Variants in CHD7 observed in about 807,000 individuals in gnomAD.
CHD7 encodes the protein ATP-dependent chromatin remodeler CHD7.
A neutral mutation model predicts 307.3 loss-of-function variants in CHD7; 24 were observed. The ratio of observed to expected loss-of-function variants is 0.08; its 90% CI spans 0.06 to 0.11. The LOEUF (loss-of-function observed/expected upper bound fraction) is 0.11, where lower values mean the gene tolerates loss of function less well. CHD7 is among the 10% of genes least tolerant of loss of function. The probability of loss-of-function intolerance (pLI) is 1.00; values close to 1 mark genes in which losing one functional copy is unlikely to be tolerated. For synonymous variants in CHD7, 1,363 were observed against 1,349.9 expected (o/e 1.01, Z -0.21); for missense variants, 3,106 against 3,727.1 (o/e 0.83, Z 4.34).
At chr8:60,813,686 T>G (rs1812915701) in intron 7 of CHD7, among the ~76,000 whole-genome samples, 1 of 152,098 alleles carries the variant, frequency 6.6e-6, no homozygotes, top group African/African-American at 2.4e-5. Flanking sequence ...ATTAATATTG[T>G]GTATTTTTAG....
At chr8:60,835,044 G>A (rs1436183727) in intron 15 of CHD7, among the ~76,000 whole-genome samples, 1 of 152,228 alleles carries the variant, frequency 6.6e-6, no homozygotes, top group Non-Finnish European at 1.5e-5. Context: ...AGATGAATGT[G>A]TGTGTTTGTA....
intron 34 of CHD7, 22 bp downstream of exon 34, chr8:60,856,910 C>A: frequency 6.6e-7 from 1 of 1,523,938 alleles, no homozygotes; most frequent in Non-Finnish European, 8.8e-7. Flanking sequence ...AGCTTGCCTG[C>A]ATGGCGATTG....
intron 1 of CHD7, among the ~76,000 whole-genome samples, chr8:60,721,685 G>A (rs1373274037): frequency 6.6e-6 from 1 of 152,222 alleles, no homozygotes; most frequent in African/African-American, 2.4e-5. Context: ...CCCCAGCGGT[G>A]CTGATGCTGC....
At chr8:60,748,435 G>A (rs145732946) in intron 2 of CHD7, among the ~76,000 whole-genome samples, 1 of 152,304 alleles carries the variant, frequency 6.6e-6, no homozygotes, top group Non-Finnish European at 1.5e-5. Context: ...GCACTGGAGG[G>A]CACTAGGAGG....
intron 3 of CHD7, among the ~76,000 whole-genome samples, chr8:60,789,677 C>G (rs1419677380): frequency 6.6e-6 from 1 of 152,206 alleles, no homozygotes; most frequent in African/African-American, 2.4e-5. Flanking sequence ...AGCTACCTGG[C>G]TTTCCAGTAA....
chr8:60,865,145 G>C lies in CHD7; in HGVS notation c.8206G>C (p.Ala2736Pro). 1.9e-6 allele frequency: 3 copies of C among 1,612,038 alleles called. No individual in the cohort carries two copies. The highest frequency in any genetic ancestry group is 2.5e-6 in the Non-Finnish European group (3 of 1,179,128). ...ARAAAAAAAV[A>P]STSGINPLLV... ...AGCAGCCGCGGCCGCCGCTGCTGTGGCCTCCACGTCAGGGATCAACCCTTT... is the reference window on the plus strand; with the variant it reads ...AGCAGCCGCGGCCGCCGCTGCTGTGCCCTCCACGTCAGGGATCAACCCTTT... Residue 2736 changes from alanine (A) to proline (P), a missense_variant, in exon 38 of 38, where the codon GCC (alanine) becomes CCC (proline). By Grantham distance (27) the Ala-to-Pro change is conservative. This residue lies in a region of CHD7 where 351 missense variants were observed against 366.2 expected (regional missense o/e 0.96). Coordinates refer to ENST00000423902, the MANE Select transcript of CHD7 (RefSeq NM_017780.4). The surrounding 1 kb of genome is among the most constrained non-coding windows in gnomAD (Gnocchi z 4.3).
At chr8:60,768,530 C>T (rs1253114831) in intron 2 of CHD7, among the ~76,000 whole-genome samples, 4 of 152,346 alleles carry the variant, frequency 2.6e-5, no homozygotes, top group South Asian at 2.1e-4. Flanking sequence ...GGGCCAGCAC[C>T]GCTCAGACCC....
intron 25 of CHD7, among the ~76,000 whole-genome samples, chr8:60,849,473 A>G (rs768693008): frequency 2.0e-5 from 3 of 152,168 alleles, no homozygotes; most frequent in Non-Finnish European, 4.4e-5. Context: ...TTCCCTTGCT[A>G]ACTCTGCCAA....
chr8:60,835,931 G>GT (rs1804722704), intron 15 of CHD7, 142 bp from the exon 16 acceptor site: 2 of 647,588 alleles, frequency 3.1e-6, no homozygotes, highest in Non-Finnish European at 5.4e-6. Context: ...CCAACTATGA[G>GT]TAAGTGGATG....
chr8:60,766,690 G>A (rs545413853), intron 2 of CHD7, among the ~76,000 whole-genome samples: 1 of 152,346 alleles, frequency 6.6e-6, no homozygotes, highest in Admixed American at 6.5e-5. Flanking sequence ...GAAGGGTCAA[G>A]GGTGACTCAA....
At chr8:60,687,738 C>T (rs1347095951) in intron 1 of CHD7, among the ~76,000 whole-genome samples, 1 of 152,182 alleles carries the variant, frequency 6.6e-6, no homozygotes, top group Non-Finnish European at 1.5e-5. Flanking sequence ...CAGAGCAACT[C>T]TAGGTAATAG....
At chr8:60,771,724 A>C (rs933888696) in intron 2 of CHD7, among the ~76,000 whole-genome samples, 1 of 142,188 alleles carries the variant, frequency 7.0e-6, no homozygotes, top group Non-Finnish European at 1.5e-5. Context: ...GGTTGTCCAC[A>C]GAATTCATTT....
chr8:60,834,079 A>G (rs1036696146), intron 15 of CHD7, among the ~76,000 whole-genome samples: 5 of 152,212 alleles, frequency 3.3e-5, no homozygotes, highest in Admixed American at 2.0e-4. Flanking sequence ...TTTTCTGACT[A>G]TTCTTTTTGA....
intron 8 of CHD7, among the ~76,000 whole-genome samples, 172 bp downstream of exon 8, chr8:60,816,673 CT>C (rs940381497): frequency 1.3e-5 from 2 of 152,176 alleles, no homozygotes; most frequent in African/African-American, 4.8e-5. Flanking sequence ...ATTTCTCATT[CT>C]TCCTGTTGCT....
intron 2 of CHD7, among the ~76,000 whole-genome samples, chr8:60,778,742 T>A (rs915288340): frequency 4.3e-4 from 66 of 152,308 alleles, no homozygotes; most frequent in Middle Eastern, 3.4e-3. Flanking sequence ...CTCCGTGTCC[T>A]GTGCAAAAAA....
intron 1 of CHD7, among the ~76,000 whole-genome samples, chr8:60,705,839 A>T (rs938221378): frequency 6.6e-6 from 1 of 152,250 alleles, no homozygotes. Context: ...ATTGATTAAC[A>T]TTATATAATA....
At chr8:60,775,967 C>A (rs1460054491) in intron 2 of CHD7, among the ~76,000 whole-genome samples, 1 of 152,150 alleles carries the variant, frequency 6.6e-6, no homozygotes, top group Non-Finnish European at 1.5e-5. Flanking sequence ...ACTATGTTGG[C>A]CAGGCTGGTC....
intron 2 of CHD7, among the ~76,000 whole-genome samples, chr8:60,768,758 G>A (rs186477000): frequency 9.3e-4 from 142 of 152,170 alleles, no homozygotes; most frequent in African/African-American, 3.2e-3. Flanking sequence ...TACTGGACTA[G>A]ATATCAGACG....
chr8:60,684,633 A>G (rs1472339514), intron 1 of CHD7, among the ~76,000 whole-genome samples: 1 of 152,098 alleles, frequency 6.6e-6, no homozygotes, highest in African/African-American at 2.4e-5. Flanking sequence ...AGTGCCCCTC[A>G]CCTGCAGGGA....
Sources: gnomAD v4.1 joint callset for allele counts (sites outside exome capture counted in the v4.1 genomes callset) on GRCh38, gnomAD v4.1.1 for gene constraint, gnomAD v4.1.1 regional missense constraint, Gnocchi (gnomAD v3.1) non-coding constraint, MANE v1.5 for transcripts, NCBI Gene and HGNC (gene_info 2026-07-23, HGNC 2026-07-21) for gene names.